FSTL5: variants seen among roughly 807,000 people sequenced by gnomAD.
FSTL5 encodes the protein follistatin like 5.
A neutral mutation model predicts 89.1 loss-of-function variants in FSTL5; 62 were observed. The observed-to-expected ratio is 0.70, with a 90% CI of 0.57 to 0.86. The LOEUF (loss-of-function observed/expected upper bound fraction) is 0.86, where lower values mean the gene tolerates loss of function less well. Among genes scored for constraint, FSTL5 ranks in the 40% least tolerant of loss-of-function variants. The pLI is 0.00. For synonymous variants in FSTL5, 383 were observed against 346.2 expected, an observed-to-expected ratio of 1.11 and a Z score of -1.18; for missense variants, 1,057 against 1,001.6, an observed-to-expected ratio of 1.06 and a Z score of -0.75.
At chr4:161,484,622 T>C (rs922718932) in intron 12 of FSTL5, among the ~76,000 whole-genome samples, 1 of 152,178 alleles carries the variant, frequency 6.6e-6, no homozygotes, top group African/African-American at 2.4e-5. Context: ...ATGCTTCACA[T>C]TGGCTTTCAT....
At position 161,989,814 on chromosome 4, in the gene FSTL5, A is replaced by C. The variant is rs561124871; in HGVS notation, c.160+43811T>G. On this transcript the variant is annotated intron_variant, in intron 3 of 15. Coordinates refer to ENST00000306100, the MANE Select transcript of FSTL5 (RefSeq NM_020116.5). ...ACCTTATTGTAGTGGGGATTACAGG[A>C]TACTAAATAGGTCTTAAAACTCACA... is the stretch of plus-strand genomic sequence containing the variant. Among the ~76,000 whole-genome samples the C allele has an allele frequency of 1.5e-4, 23 of 152,274 alleles. No homozygotes were observed. In the South Asian group the frequency reaches 2.5e-3, roughly 16 times the overall value.
intron 7 of FSTL5, among the ~76,000 whole-genome samples, chr4:161,595,487 C>G (rs78676792): frequency 0.049 from 7,477 of 152,028 alleles, 598 homozygotes; most frequent in African/African-American, 0.17. Context: ...AACACAAAAT[C>G]GTTTATTTTG....
At chr4:161,446,410 G>A (rs1310683263) in intron 15 of FSTL5, among the ~76,000 whole-genome samples, 2 of 151,844 alleles carry the variant, frequency 1.3e-5, no homozygotes, top group Non-Finnish European at 2.9e-5. Flanking sequence ...TGCTTTCAGA[G>A]TTTCTGTTAA....
At chr4:161,973,713 G>A (rs1228332614) in intron 3 of FSTL5, among the ~76,000 whole-genome samples, 1 of 152,124 alleles carries the variant, frequency 6.6e-6, no homozygotes, top group Non-Finnish European at 1.5e-5. Context: ...AGTCAATTTT[G>A]ATGACAAGAG....
chr4:161,899,965 C>T (rs1049735181), intron 4 of FSTL5, among the ~76,000 whole-genome samples: 15 of 152,100 alleles, frequency 9.9e-5, no homozygotes, highest in Non-Finnish European at 1.6e-4. Context: ...GTGGTCAAGG[C>T]GGATGGATCA....
At chr4:161,937,927 C>G (rs1334997815) in intron 3 of FSTL5, among the ~76,000 whole-genome samples, 1 of 152,102 alleles carries the variant, frequency 6.6e-6, no homozygotes, top group Non-Finnish European at 1.5e-5. Flanking sequence ...AGGTTTTCCT[C>G]TGACATCATC....
chr4:161,998,389 G>C (rs1260916840), intron 3 of FSTL5, among the ~76,000 whole-genome samples: 1 of 152,090 alleles, frequency 6.6e-6, no homozygotes, highest in East Asian at 1.9e-4. Flanking sequence ...CTGTGGGAAG[G>C]TAAGAGCCTA....
chr4:161,867,115 T>A (rs1429354882), intron 4 of FSTL5, among the ~76,000 whole-genome samples: 1 of 152,068 alleles, frequency 6.6e-6, no homozygotes, highest in Non-Finnish European at 1.5e-5. Context: ...TCCAACTCCC[T>A]GCTTCATCTA....
At chr4:161,512,230 A>G (rs1320979516) in intron 10 of FSTL5, among the ~76,000 whole-genome samples, 1 of 152,074 alleles carries the variant, frequency 6.6e-6, no homozygotes, top group Non-Finnish European at 1.5e-5. Flanking sequence ...GTGTTTCCTT[A>G]TATCTCCACC....
intron 4 of FSTL5, among the ~76,000 whole-genome samples, chr4:161,777,880 G>A (rs1218078497): frequency 6.6e-6 from 1 of 152,076 alleles, no homozygotes; most frequent in Non-Finnish European, 1.5e-5. Flanking sequence ...AATCACCTGA[G>A]GTCAGGAGTT....
intron 8 of FSTL5, among the ~76,000 whole-genome samples, chr4:161,547,193 C>A (rs1732037188): frequency 6.6e-6 from 1 of 151,972 alleles, no homozygotes; most frequent in Non-Finnish European, 1.5e-5. Context: ...AGTAGTTATG[C>A]CAGCCGCAAT....
chr4:161,531,888 T>G (rs2126531164), intron 10 of FSTL5, among the ~76,000 whole-genome samples: 1 of 152,264 alleles, frequency 6.6e-6, no homozygotes, highest in South Asian at 2.1e-4. Context: ...TAGATTTTTG[T>G]CAGTGTTTTT....
intron 13 of FSTL5, among the ~76,000 whole-genome samples, chr4:161,463,006 G>A (rs1322943995): frequency 6.6e-6 from 1 of 152,046 alleles, no homozygotes. Context: ...AAAGAGGTAA[G>A]GCTTTCATTG....
At chr4:161,951,035 G>A (rs938329201) in intron 3 of FSTL5, among the ~76,000 whole-genome samples, 4 of 151,930 alleles carry the variant, frequency 2.6e-5, no homozygotes, top group Non-Finnish European at 4.4e-5. Flanking sequence ...ATTGAATCAC[G>A]GCGCCAGTGT....
intron 6 of FSTL5, 42 bp downstream of exon 6, chr4:161,759,368 GA>G: frequency 2.6e-6 from 4 of 1,555,994 alleles, no homozygotes; most frequent in South Asian, 2.5e-5. Context: ...AAAGCAACAG[GA>G]AAAAGAACAA....
chr4:161,872,992 A>G (rs1037666168), intron 4 of FSTL5, among the ~76,000 whole-genome samples: 1 of 152,196 alleles, frequency 6.6e-6, no homozygotes, highest in Non-Finnish European at 1.5e-5. Flanking sequence ...AAATACATAT[A>G]GTAATGTTAA....
chr4:162,155,460 C>T (rs1003847857), intron 1 of FSTL5, among the ~76,000 whole-genome samples: 1 of 152,272 alleles, frequency 6.6e-6, no homozygotes, highest in Middle Eastern at 3.4e-3. Flanking sequence ...GCCAGCTCAC[C>T]TGTACCCAGA....
chr4:162,100,238 A>G (rs1218539238), intron 2 of FSTL5, among the ~76,000 whole-genome samples: 2 of 152,178 alleles, frequency 1.3e-5, no homozygotes, highest in African/African-American at 4.8e-5. Context: ...ATTCAGCACT[A>G]AAAATCAATG....
intron 8 of FSTL5, among the ~76,000 whole-genome samples, chr4:161,563,103 T>C (rs538173385): frequency 1.3e-5 from 2 of 151,990 alleles, no homozygotes; most frequent in Non-Finnish European, 2.9e-5. Flanking sequence ...TTCATTTCTT[T>C]CTGCCTTCCA....
Sources: gnomAD v4.1 joint callset for allele counts (sites outside exome capture counted in the v4.1 genomes callset) on GRCh38, gnomAD v4.1.1 for gene constraint, MANE v1.5 for transcripts, NCBI Gene and HGNC (gene_info 2026-07-23, HGNC 2026-07-21) for gene names.